Variants in ELAVL2 observed in about 807,000 individuals in gnomAD.
ELAVL2 encodes ELAV like RNA binding protein 2.
A neutral mutation model predicts 34.6 loss-of-function variants in ELAVL2; 4 were observed. That is an observed-to-expected ratio of 0.12 (90% confidence interval 0.06 to 0.26). The LOEUF is 0.26. Ranked by LOEUF, ELAVL2 falls within the 10% of genes least tolerant of loss-of-function variation. The probability of loss-of-function intolerance (pLI) is 1.00; values close to 1 mark genes in which losing one functional copy is unlikely to be tolerated. For missense variants in ELAVL2, 432 were observed against 442.8 expected (o/e 0.98, Z 0.22); for synonymous variants, 193 against 154.8 (o/e 1.25, Z -1.83).
chr9:23,708,887 C>T (rs1357469740), intron 3 of ELAVL2, among the ~76,000 whole-genome samples: 1 of 152,110 alleles, frequency 6.6e-6, no homozygotes, highest in Non-Finnish European at 1.5e-5. Context: ...ATCAGCCCAC[C>T]TCGGCCTCCC....
intron 3 of ELAVL2, among the ~76,000 whole-genome samples, chr9:23,727,619 G>A (rs77221020): frequency 0.012 from 1,800 of 152,052 alleles, 42 homozygotes; most frequent in East Asian, 0.11. Flanking sequence ...AACAGAACCC[G>A]GAATCTCACC....
intron 1 of ELAVL2, among the ~76,000 whole-genome samples, chr9:23,769,459 A>G (rs1241511700): frequency 1.3e-5 from 2 of 152,184 alleles, no homozygotes; most frequent in Non-Finnish European, 2.9e-5. Flanking sequence ...TAATTAAGCA[A>G]GAGAATAGTC....
intron 2 of ELAVL2, among the ~76,000 whole-genome samples, chr9:23,761,693 C>T (rs781253927): frequency 2.6e-5 from 4 of 151,980 alleles, no homozygotes; most frequent in Non-Finnish European, 4.4e-5. Flanking sequence ...TAAATACACT[C>T]AGGGTACTAA....
chr9:23,716,113 A>G (rs1390755939), intron 3 of ELAVL2, among the ~76,000 whole-genome samples: 1 of 147,432 alleles, frequency 6.8e-6, no homozygotes, highest in African/African-American at 2.5e-5. Context: ...GGAAGTGAAC[A>G]ATGAGAACAC....
the ELAVL2 span, among the ~76,000 whole-genome samples, chr9:23,833,940 T>A: frequency 0.22 from 33,430 of 151,884 alleles, 4,056 homozygotes; most frequent in Non-Finnish European, 0.26. Context: ...AGATATAACA[T>A]TTATCATCAG....
chr9:23,818,701 G>A (rs2064081167), intron 1 of ELAVL2, among the ~76,000 whole-genome samples: 2 of 152,290 alleles, frequency 1.3e-5, no homozygotes, highest in South Asian at 4.1e-4. Context: ...CATTATGAGT[G>A]ATAAAAGTGG....
At chr9:23,693,540 C>G in intron 5 of ELAVL2, 54 bp from the exon 6 acceptor site, 3 of 1,609,192 alleles carry the variant, frequency 1.9e-6, no homozygotes, top group Non-Finnish European at 2.6e-6. Context: ...CCTTGATGTT[C>G]AAGAAAGTTG....
chr9:23,707,233 A>C (rs1382756486), intron 3 of ELAVL2, among the ~76,000 whole-genome samples: 2 of 152,238 alleles, frequency 1.3e-5, no homozygotes, highest in Non-Finnish European at 2.9e-5. Context: ...GATTGCTATA[A>C]ACTGATGAAA....
At chr9:23,840,566 A>T in the ELAVL2 span, among the ~76,000 whole-genome samples, 6 of 152,072 alleles carry the variant, frequency 3.9e-5, no homozygotes, top group African/African-American at 1.4e-4. Flanking sequence ...CCAATTTTAT[A>T]CTTTGTGTTA....
intron 2 of ELAVL2, among the ~76,000 whole-genome samples, chr9:23,737,084 C>A (rs980838215): frequency 6.6e-6 from 1 of 152,182 alleles, no homozygotes; most frequent in African/African-American, 2.4e-5. Flanking sequence ...ATTCCGTTAT[C>A]TTTGTTATGT....
At chr9:23,700,799 C>G (rs560803176) in intron 5 of ELAVL2, among the ~76,000 whole-genome samples, 4 of 151,866 alleles carry the variant, frequency 2.6e-5, no homozygotes, top group African/African-American at 9.7e-5. Context: ...GGTTATATAC[C>G]CTTAATGGTG....
At chr9:23,776,322 A>G (rs961632522) in intron 1 of ELAVL2, among the ~76,000 whole-genome samples, 5 of 152,238 alleles carry the variant, frequency 3.3e-5, no homozygotes, top group African/African-American at 1.2e-4. Flanking sequence ...TTAAAACAAT[A>G]TAAACCTCAG....
chr9:23,755,396 G>A (rs2053305685), intron 2 of ELAVL2, among the ~76,000 whole-genome samples: 1 of 152,098 alleles, frequency 6.6e-6, no homozygotes, highest in Non-Finnish European at 1.5e-5. Context: ...AAGAATAAAT[G>A]TTAAAGACTT....
chr9:23,832,836 A>G, the ELAVL2 span, among the ~76,000 whole-genome samples: 1 of 152,208 alleles, frequency 6.6e-6, no homozygotes, highest in African/African-American at 2.4e-5. Flanking sequence ...GCAAAAATAA[A>G]AAATGAACTT....
intron 1 of ELAVL2, among the ~76,000 whole-genome samples, chr9:23,767,415 C>A (rs1357214571): frequency 6.6e-6 from 1 of 152,126 alleles, no homozygotes; most frequent in African/African-American, 2.4e-5. Context: ...ATTCTGCAAA[C>A]TAAGGTAATC....
At chr9:23,773,743 G>C (rs1049092374) in intron 1 of ELAVL2, among the ~76,000 whole-genome samples, 2 of 152,050 alleles carry the variant, frequency 1.3e-5, no homozygotes, top group Non-Finnish European at 1.5e-5. Flanking sequence ...TTCCACTCTA[G>C]GAAGGAAAAG....
intron 5 of ELAVL2, among the ~76,000 whole-genome samples, chr9:23,693,783 T>C (rs918791292): frequency 6.6e-6 from 1 of 152,202 alleles, no homozygotes; most frequent in Non-Finnish European, 1.5e-5. Flanking sequence ...ACTTTAGGGT[T>C]CTCATCAGGT....
At chr9:23,696,588 C>A (rs547053096) in intron 5 of ELAVL2, among the ~76,000 whole-genome samples, 2 of 152,332 alleles carry the variant, frequency 1.3e-5, no homozygotes, top group African/African-American at 2.4e-5. Context: ...CTGGCCCCAG[C>A]CTCTCGAGTA....
At chr9:23,746,449 C>G (rs961658752) in intron 2 of ELAVL2, among the ~76,000 whole-genome samples, 1 of 152,124 alleles carries the variant, frequency 6.6e-6, no homozygotes, top group Non-Finnish European at 1.5e-5. Context: ...AGAGCGTTTT[C>G]AGAATGAGTA....
Sources: gnomAD v4.1 joint callset for allele counts (sites outside exome capture counted in the v4.1 genomes callset) on GRCh38, gnomAD v4.1.1 for gene constraint, MANE v1.5 for transcripts, NCBI Gene and HGNC (gene_info 2026-07-23, HGNC 2026-07-21) for gene names.